PDE3B: variants seen among roughly 807,000 people sequenced by gnomAD.
PDE3B encodes the protein cGMP-inhibited 3',5'-cyclic phosphodiesterase 3B.
In PDE3B, 66 loss-of-function variants were observed where a neutral mutation model predicts 116.8. The observed-to-expected ratio is 0.56, with a 90% CI of 0.46 to 0.69. PDE3B has a LOEUF of 0.69. Among genes scored for constraint, PDE3B ranks in the 30% least tolerant of loss-of-function variants. PDE3B has a pLI of 0.00. For missense variants in PDE3B, 1,384 were observed against 1,368.1 expected, an observed-to-expected ratio of 1.01 and a Z score of -0.18; for synonymous variants, 595 against 533.6, an observed-to-expected ratio of 1.12 and a Z score of -1.59.
At chr11:14,695,058 C>G (rs1855162018) in intron 1 of PDE3B, among the ~76,000 whole-genome samples, 1 of 152,172 alleles carries the variant, frequency 6.6e-6, no homozygotes, top group Non-Finnish European at 1.5e-5. Flanking sequence ...TGAGTCATTA[C>G]TACCTTCTGT....
Position 14,825,824 on chromosome 11 carries a change from A to T in PDE3B, c.1808-4874A>T, listed in dbSNP as rs193120011. 2.2e-4 allele frequency among the ~76,000 whole-genome samples: 33 copies of T among 152,316 alleles called. 1 individual carries two copies. The East Asian group carries it at 6.0e-3, about 28-fold the overall frequency. On this transcript the variant is annotated intron_variant, in intron 7 of 15. Transcript: ENST00000282096. ...AGAACTCTCCACTCAAAAACAACAG[A>T]ATGTACATTTTTCTCATTGCCACAT...
At chr11:14,820,156 A>T (rs1323503282) in intron 7 of PDE3B, among the ~76,000 whole-genome samples, 2 of 152,076 alleles carry the variant, frequency 1.3e-5, no homozygotes, top group Admixed American at 6.6e-5. Flanking sequence ...GTTAACAAAT[A>T]AAATAAAATA....
intron 11 of PDE3B, among the ~76,000 whole-genome samples, chr11:14,838,622 C>T (rs1020533026): frequency 6.6e-6 from 1 of 152,150 alleles, no homozygotes; most frequent in Non-Finnish European, 1.5e-5. Context: ...AATCCAACTC[C>T]ACTGTCACTC....
At chr11:14,767,304 A>C (rs1043620864) in intron 1 of PDE3B, among the ~76,000 whole-genome samples, 4 of 151,662 alleles carry the variant, frequency 2.6e-5, no homozygotes, top group East Asian at 1.9e-4. Context: ...ATGAATTACC[A>C]GTCAGAAAGA....
At chr11:14,667,131 G>C (rs1005682580) in intron 1 of PDE3B, among the ~76,000 whole-genome samples, 1 of 152,074 alleles carries the variant, frequency 6.6e-6, no homozygotes, top group African/African-American at 2.4e-5. Flanking sequence ...CATGTCCTTT[G>C]TAGGGACATG....
chr11:14,684,245 G>T (rs560126207), intron 1 of PDE3B, among the ~76,000 whole-genome samples: 129 of 152,308 alleles, frequency 8.5e-4, no homozygotes, highest in African/African-American at 2.9e-3. Flanking sequence ...GTGTCGGCCA[G>T]TTGAGAAATA....
At chr11:14,779,244 T>G (rs543163882) in intron 2 of PDE3B, among the ~76,000 whole-genome samples, 119 of 152,276 alleles carry the variant, frequency 7.8e-4, no homozygotes, top group African/African-American at 2.4e-3. Context: ...AAAACACTCT[T>G]CAGGATATTA....
At chr11:14,730,918 T>G (rs369142850) in intron 1 of PDE3B, among the ~76,000 whole-genome samples, 40 of 152,284 alleles carry the variant, frequency 2.6e-4, no homozygotes, top group African/African-American at 8.4e-4. Context: ...AACTGAATCA[T>G]AGAGAGGTTA....
chr11:14,811,087 G>A (rs1455046803), intron 5 of PDE3B, among the ~76,000 whole-genome samples: 3 of 152,126 alleles, frequency 2.0e-5, no homozygotes, highest in Non-Finnish European at 4.4e-5. Flanking sequence ...CAGATGAGTA[G>A]GTTGTGAAAA....
chr11:14,645,076 T>C, intron 1 of PDE3B, 23 bp downstream of exon 1: 3 of 1,520,856 alleles, frequency 2.0e-6, no homozygotes, highest in Non-Finnish European at 2.7e-6. Flanking sequence ...GAAGGCGAGG[T>C]CTGGGACGCG....
At chr11:14,751,755 A>C (rs1302773584) in intron 1 of PDE3B, among the ~76,000 whole-genome samples, 1 of 152,212 alleles carries the variant, frequency 6.6e-6, no homozygotes, top group Non-Finnish European at 1.5e-5. Context: ...AAAAGTGTTC[A>C]GAAAGCTTCC....
rs905433818 is a variant in PDE3B, at chr11:14,694,183, A to G, written c.978+49130A>G. ...GATGAGCAAAGAAAGTGGATTCTTG[A>G]GATGGAATCTACTTCTGATAAAGAT... is the stretch of plus-strand genomic sequence containing the variant. On this transcript the variant is annotated intron_variant, in intron 1 of 15. Coordinates refer to ENST00000282096, the MANE Select transcript of PDE3B (RefSeq NM_000922.4). Among the ~76,000 whole-genome samples, 3 of 152,216 alleles carry G rather than the reference A, an allele frequency of 2.0e-5. No homozygotes were observed. In the East Asian group the frequency reaches 5.8e-4, roughly 29 times the overall value.
At chr11:14,666,960 T>A (rs2133773106) in intron 1 of PDE3B, among the ~76,000 whole-genome samples, 1 of 150,960 alleles carries the variant, frequency 6.6e-6, no homozygotes, top group Admixed American at 6.6e-5. Flanking sequence ...CTATAAATCA[T>A]GCTGCTATAA....
At position 14,782,814 on chromosome 11, in the gene PDE3B, T is replaced by G. The variant is rs189970024; in HGVS notation, c.1030-3623T>G. On this transcript the variant is annotated intron_variant, in intron 2 of 15. Transcript: ENST00000282096. The stretch of plus-strand genomic sequence containing the variant: ...ACAGCAAAAGAAACTACCATCAGAA[T>G]GAACAGGCAACCTACAGAATGGGAG... Among the ~76,000 whole-genome samples the G allele has an allele frequency of 6.6e-5, 10 of 152,250 alleles. No individual in the cohort carries two copies. In the East Asian group the frequency reaches 1.9e-3, roughly 29 times the overall value.
intron 1 of PDE3B, among the ~76,000 whole-genome samples, chr11:14,742,818 GC>G (rs1590108156): frequency 6.6e-6 from 1 of 152,034 alleles, no homozygotes; most frequent in Non-Finnish European, 1.5e-5. Flanking sequence ...TGACAGTCAG[GC>G]CCCTATGCTG....
intron 1 of PDE3B, among the ~76,000 whole-genome samples, chr11:14,748,591 A>G (rs1329293267): frequency 3.9e-5 from 6 of 152,182 alleles, no homozygotes; most frequent in South Asian, 2.1e-4. Context: ...ACCTTATACA[A>G]TTATTTAAAT....
intron 12 of PDE3B, among the ~76,000 whole-genome samples, chr11:14,853,792 A>G (rs1847800257): frequency 6.6e-6 from 1 of 152,234 alleles, no homozygotes; most frequent in Non-Finnish European, 1.5e-5. Context: ...GTCAGTATTA[A>G]TAAGATTCTA....
downstream of PDE3B, among the ~76,000 whole-genome samples, chr11:14,875,225 A>G (rs1848178813): frequency 6.6e-6 from 1 of 152,090 alleles, no homozygotes; most frequent in Admixed American, 6.6e-5. Flanking sequence ...CTCCATAGCT[A>G]TCCCGTGAAG....
chr11:14,708,397 T>C (rs563853502), intron 1 of PDE3B, among the ~76,000 whole-genome samples: 1 of 152,208 alleles, frequency 6.6e-6, no homozygotes, highest in Non-Finnish European at 1.5e-5. Flanking sequence ...GCCTCAGGTA[T>C]TCCTTTATAG....
Sources: allele counts gnomAD v4.1 joint callset (sites outside exome capture counted in the v4.1 genomes callset), GRCh38; gene constraint gnomAD v4.1.1; transcripts MANE v1.5; gene names NCBI Gene and HGNC (gene_info 2026-07-23, HGNC 2026-07-21).